HIVEP3: variants seen among roughly 807,000 people sequenced by gnomAD.
HIVEP3 encodes the protein HIVEP zinc finger 3, also known as transcription factor HIVEP3.
In HIVEP3, 49 loss-of-function variants were observed where a neutral mutation model predicts 152.8. The observed-to-expected ratio is 0.32, with a 90% CI of 0.26 to 0.41. The LOEUF is 0.41. Ranked by LOEUF, HIVEP3 falls within the 10% of genes least tolerant of loss-of-function variation. The pLI is 1.00. For synonymous variants in HIVEP3, 1,269 were observed against 1,289.0 expected (o/e 0.98, Z 0.33); for missense variants, 2,790 against 3,103.3 (o/e 0.90, Z 2.40).
intron 1 of HIVEP3, among the ~76,000 whole-genome samples, chr1:41,911,580 G>A (rs2124465342): frequency 6.6e-6 from 1 of 151,640 alleles, no homozygotes; most frequent in East Asian, 1.9e-4. Flanking sequence ...TACTTAGCAG[G>A]GAACTTGAAA....
At chr1:41,549,467 T>G (rs1449496663) in intron 5 of HIVEP3, among the ~76,000 whole-genome samples, 2 of 152,244 alleles carry the variant, frequency 1.3e-5, no homozygotes, top group African/African-American at 4.8e-5. Context: ...CCACAATGGT[T>G]GAACTAGTTT....
intron 1 of HIVEP3, among the ~76,000 whole-genome samples, chr1:41,801,013 C>T (rs144972621): frequency 6.6e-6 from 1 of 152,140 alleles, no homozygotes; most frequent in Non-Finnish European, 1.5e-5. Context: ...CTTTTACCCA[C>T]AAGGAGCTAC....
chr1:42,019,963 T>C (rs1284300389), intron 1 of HIVEP3, among the ~76,000 whole-genome samples: 7 of 152,102 alleles, frequency 4.6e-5, no homozygotes, highest in Non-Finnish European at 8.8e-5. Context: ...AGATTGTATG[T>C]ATATTTTTAC....
intron 1 of HIVEP3, among the ~76,000 whole-genome samples, chr1:41,819,163 T>C (rs922463622): frequency 6.6e-6 from 1 of 152,214 alleles, no homozygotes; most frequent in Admixed American, 6.5e-5. Context: ...TTTTATTTCA[T>C]GTCTGTGTGT....
chr1:41,719,389 A>T (rs939264687), intron 1 of HIVEP3, among the ~76,000 whole-genome samples: 3 of 152,206 alleles, frequency 2.0e-5, no homozygotes, highest in Admixed American at 6.5e-5. Flanking sequence ...TCTCGCCTTT[A>T]CCTTGAAACA....
intron 1 of HIVEP3, among the ~76,000 whole-genome samples, chr1:41,732,999 G>T (rs939095357): frequency 5.9e-5 from 9 of 152,170 alleles, no homozygotes; most frequent in Non-Finnish European, 1.2e-4. Context: ...CAATACATGT[G>T]CATGGAATAA....
In HIVEP3 at chr1:41,664,910, A is replaced by C. The variant is rs772799978; in HGVS notation, c.-720-35963T>G. ...TCCTGAGCTGGCCCTAATGAGGTGG[A>C]GGGGAAGGATGAAGGAAAATGCAAT... On this transcript the variant is annotated intron_variant, in intron 2 of 8. Coordinates refer to ENST00000372583, the MANE Select transcript of HIVEP3 (RefSeq NM_024503.5). The surrounding 1 kb of genome is among the most constrained non-coding windows in gnomAD (Gnocchi z 4.4). Among the ~76,000 whole-genome samples, 1 of 152,170 alleles carries C rather than the reference A, an allele frequency of 6.6e-6. No homozygotes were observed. Among genetic ancestry groups the C allele is most frequent in the Non-Finnish European group, 1.5e-5 (1 of 68,018 alleles).
intron 1 of HIVEP3, among the ~76,000 whole-genome samples, chr1:42,019,570 T>C (rs1212788313): frequency 6.6e-6 from 1 of 151,998 alleles, no homozygotes; most frequent in Non-Finnish European, 1.5e-5. Context: ...AATTGGTTTT[T>C]ATATATTGAC....
chr1:42,001,879 C>A (rs1645430096), intron 1 of HIVEP3, among the ~76,000 whole-genome samples: 1 of 149,712 alleles, frequency 6.7e-6, no homozygotes, highest in Admixed American at 6.6e-5. Flanking sequence ...CCCAAACATT[C>A]CCCATGATCC....
chr1:41,814,523 C>T (rs958666316), intron 1 of HIVEP3, among the ~76,000 whole-genome samples: 3 of 152,218 alleles, frequency 2.0e-5, no homozygotes, highest in African/African-American at 7.2e-5. Flanking sequence ...GCCCGGCTTC[C>T]CTAAGGCTAG....
chr1:41,531,732 C>T (rs1307129979), intron 5 of HIVEP3, among the ~76,000 whole-genome samples: 1 of 20,896 alleles, frequency 4.8e-5, no homozygotes, highest in African/African-American at 2.1e-4. Flanking sequence ...AAGACAGGGG[C>T]GATAGAGGAC....
chr1:41,749,477 T>C (rs1176989949), intron 1 of HIVEP3, among the ~76,000 whole-genome samples: 3 of 146,802 alleles, frequency 2.0e-5, no homozygotes, highest in Non-Finnish European at 4.5e-5. Flanking sequence ...AGAATAATTC[T>C]AGAGAGAGGG....
chr1:41,558,906 TCAC>T (rs527518624), intron 5 of HIVEP3, among the ~76,000 whole-genome samples: 29 of 152,130 alleles, frequency 1.9e-4, no homozygotes, highest in Non-Finnish European at 3.7e-4. Context: ...CTGTCAGCTG[TCAC>T]CACATTCTTG....
intron 2 of HIVEP3, among the ~76,000 whole-genome samples, chr1:41,698,730 G>A (rs1021647931): frequency 1.3e-5 from 2 of 151,956 alleles, no homozygotes; most frequent in Admixed American, 1.3e-4. Flanking sequence ...TGGATCCTTC[G>A]GGTGCCAGTG....
chr1:41,528,223 C>A (rs1643074462), intron 5 of HIVEP3, among the ~76,000 whole-genome samples: 1 of 130,200 alleles, frequency 7.7e-6, no homozygotes, highest in Non-Finnish European at 1.6e-5. Flanking sequence ...CTTCACACTC[C>A]ACCCTCACAC....
At chr1:41,587,499 C>T (rs1411710000) in intron 3 of HIVEP3, among the ~76,000 whole-genome samples, 2 of 152,196 alleles carry the variant, frequency 1.3e-5, no homozygotes, top group African/African-American at 4.8e-5. Context: ...CAGGAATAAA[C>T]AAAGACAGTC....
Position 41,582,703 on chromosome 1 carries a change from T to A in HIVEP3, c.2095A>T (p.Met699Leu). Reference sequence around the variant, plus strand: ...AGGGTGGTTCCCAGTTTGTAATGCATCATTTGGGACCACGGCTCATGCTCA... The same window carrying A: ...AGGGTGGTTCCCAGTTTGTAATGCAACATTTGGGACCACGGCTCATGCTCA... ...QIEHEPWSQM[M>L]HYKLGTTLEL... The change falls in exon 4 of 9, where the codon ATG (methionine) becomes TTG (leucine). Residue 699 changes from methionine (M) to leucine (L), a missense_variant. Physicochemically the swap from Met to Leu is conservative, Grantham distance 15. Transcript: ENST00000372583. The surrounding 1 kb of genome is among the most constrained non-coding windows in gnomAD (Gnocchi z 4.7). 6.2e-7 allele frequency: 1 copy of A among 1,614,134 alleles called. No homozygotes were observed. Among genetic ancestry groups the A allele is most frequent in the Non-Finnish European group, 8.5e-7 (1 of 1,179,986 alleles).
At chr1:41,852,007 T>A (rs970782082) in intron 1 of HIVEP3, among the ~76,000 whole-genome samples, 2 of 152,170 alleles carry the variant, frequency 1.3e-5, no homozygotes, top group African/African-American at 4.8e-5. Flanking sequence ...TTTGTGAGGA[T>A]CAAGGAAGTT....
chr1:41,656,417 C>G (rs1332150531), intron 2 of HIVEP3, among the ~76,000 whole-genome samples: 1 of 152,194 alleles, frequency 6.6e-6, no homozygotes, highest in African/African-American at 2.4e-5. Context: ...GAACAGAACC[C>G]AGGACTCCCA....
Sources: allele counts gnomAD v4.1 joint callset (sites outside exome capture counted in the v4.1 genomes callset), GRCh38; gene constraint gnomAD v4.1.1; non-coding constraint Gnocchi (gnomAD v3.1); transcripts MANE v1.5; gene names NCBI Gene and HGNC (gene_info 2026-07-23, HGNC 2026-07-21).